The following DTNA variants were observed in gnomAD, a reference collection of about 807,000 sequenced individuals.
DTNA encodes dystrophin-related protein 3.
In DTNA, 43 loss-of-function variants were observed where a neutral mutation model predicts 100.7. The ratio of observed to expected loss-of-function variants is 0.43; its 90% CI spans 0.33 to 0.55. DTNA has a LOEUF of 0.55. DTNA is among the 20% of genes least tolerant of loss of function. The pLI, the probability that DTNA is intolerant of heterozygous loss-of-function variation, is 0.04. For missense variants in DTNA, 798 were observed against 953.9 expected, an observed-to-expected ratio of 0.84 and a Z score of 2.15; for synonymous variants, 349 against 347.9, an observed-to-expected ratio of 1.00 and a Z score of -0.04.
intron 1 of DTNA, among the ~76,000 whole-genome samples, chr18:34,533,860 C>T (rs1340777556): frequency 2.0e-5 from 3 of 152,032 alleles, no homozygotes; most frequent in Non-Finnish European, 2.9e-5. Flanking sequence ...TAAAAATAAA[C>T]AAGAGCTTTA....
intron 3 of DTNA, among the ~76,000 whole-genome samples, chr18:34,789,576 G>C (rs2094628646): frequency 6.6e-6 from 1 of 152,102 alleles, no homozygotes; most frequent in Non-Finnish European, 1.5e-5. Flanking sequence ...ATTCCCACCA[G>C]ACTGTTAGCT....
At chr18:34,841,667 G>T (rs1044575043) in intron 13 of DTNA, among the ~76,000 whole-genome samples, 3 of 152,106 alleles carry the variant, frequency 2.0e-5, no homozygotes, top group African/African-American at 7.2e-5. Flanking sequence ...TAAAAAATAT[G>T]AGCTTTGAGA....
intron 1 of DTNA, among the ~76,000 whole-genome samples, chr18:34,642,341 G>C (rs771515635): frequency 5.3e-5 from 8 of 152,136 alleles, no homozygotes; most frequent in Admixed American, 2.6e-4. Context: ...GGGATTATCT[G>C]GGCTTTAGAA....
At chr18:34,572,698 C>T (rs2047707200) in intron 1 of DTNA, among the ~76,000 whole-genome samples, 1 of 152,082 alleles carries the variant, frequency 6.6e-6, no homozygotes, top group African/African-American at 2.4e-5. Flanking sequence ...ATAGGCTCAC[C>T]AGTTCTACTA....
At chr18:34,701,338 A>G (rs1392512347) in intron 1 of DTNA, among the ~76,000 whole-genome samples, 1 of 151,882 alleles carries the variant, frequency 6.6e-6, no homozygotes, top group Non-Finnish European at 1.5e-5. Flanking sequence ...TTCTCATCTT[A>G]CTCAACTTCT....
intron 1 of DTNA, among the ~76,000 whole-genome samples, chr18:34,713,980 G>A (rs1038623114): frequency 1.3e-5 from 2 of 152,050 alleles, no homozygotes; most frequent in Non-Finnish European, 2.9e-5. Context: ...AAGCAATGGG[G>A]AAAGGATTCC....
At chr18:34,594,673 TA>T (rs2050229039) in intron 1 of DTNA, among the ~76,000 whole-genome samples, 1 of 152,214 alleles carries the variant, frequency 6.6e-6, no homozygotes, top group Admixed American at 6.5e-5. Flanking sequence ...GTCACTCTTC[TA>T]AAATGAAAAA....
At chr18:34,673,783 C>T (rs1441518184) in intron 1 of DTNA, among the ~76,000 whole-genome samples, 1 of 152,194 alleles carries the variant, frequency 6.6e-6, no homozygotes, top group Admixed American at 6.5e-5. Flanking sequence ...GTTCTCTCTG[C>T]TTTATCTTAC....
At chr18:34,645,522 G>A (rs966290771) in intron 1 of DTNA, among the ~76,000 whole-genome samples, 5 of 151,936 alleles carry the variant, frequency 3.3e-5, no homozygotes, top group African/African-American at 9.7e-5. Flanking sequence ...TAGATATCTC[G>A]ATTCATAGAA....
At chr18:34,652,476 G>A (rs182454883) in intron 1 of DTNA, among the ~76,000 whole-genome samples, 41 of 152,210 alleles carry the variant, frequency 2.7e-4, no homozygotes, top group African/African-American at 9.6e-4. Flanking sequence ...TGACTGGAAT[G>A]TTCTTCCTCA....
intron 2 of DTNA, among the ~76,000 whole-genome samples, chr18:34,761,927 A>G (rs1488835100): frequency 1.3e-5 from 2 of 152,228 alleles, no homozygotes; most frequent in African/African-American, 2.4e-5. Context: ...TTGAAAAATA[A>G]TGAAGAGTAC....
At chr18:34,515,293 G>A (rs971375855) in intron 1 of DTNA, among the ~76,000 whole-genome samples, 3 of 152,022 alleles carry the variant, frequency 2.0e-5, no homozygotes, top group African/African-American at 7.2e-5. Flanking sequence ...TGGACTGTTG[G>A]TCAGCTAATC....
chr18:34,533,200 G>A (rs1230071666), intron 1 of DTNA, among the ~76,000 whole-genome samples: 1 of 151,496 alleles, frequency 6.6e-6, no homozygotes, highest in African/African-American at 2.4e-5. Context: ...GTAAAACCCT[G>A]TCTCTACTAA....
chr18:34,775,801 C>T (rs1452655740), intron 3 of DTNA, among the ~76,000 whole-genome samples: 1 of 152,164 alleles, frequency 6.6e-6, no homozygotes, highest in Non-Finnish European at 1.5e-5. Flanking sequence ...CTTGTGATAC[C>T]CTGAGCAGGG....
chr18:34,501,394 A>G (rs187781406), intron 1 of DTNA, among the ~76,000 whole-genome samples: 9 of 152,192 alleles, frequency 5.9e-5, no homozygotes, highest in Non-Finnish European at 1.0e-4. Context: ...TTTTACATCT[A>G]TATTCATGAG....
chr18:34,494,194 G>A (rs1039487243), intron 1 of DTNA, among the ~76,000 whole-genome samples: 2 of 152,022 alleles, frequency 1.3e-5, no homozygotes, highest in Non-Finnish European at 2.9e-5. Context: ...GTGGGAGGTG[G>A]AGTGTCTACC....
chr18:34,524,427 T>G (rs1317405256), intron 1 of DTNA, among the ~76,000 whole-genome samples: 2 of 152,170 alleles, frequency 1.3e-5, no homozygotes, highest in East Asian at 3.9e-4. Flanking sequence ...GACATAAGGC[T>G]GATAATGAAA....
At chr18:34,869,796 C>T (rs1182853593) in intron 17 of DTNA, among the ~76,000 whole-genome samples, 2 of 152,154 alleles carry the variant, frequency 1.3e-5, no homozygotes, top group Admixed American at 1.3e-4. Context: ...CCGAGGCAGG[C>T]AGATCACAAG....
intron 17 of DTNA, among the ~76,000 whole-genome samples, chr18:34,874,635 T>TTTCTTC (rs146912046): frequency 3.3e-5 from 5 of 152,018 alleles, no homozygotes; most frequent in African/African-American, 4.8e-5. Context: ...GAAAACAAGG[T>TTTCTTC]TTCTTCTTCT....
Sources: gnomAD v4.1 joint callset for allele counts (sites outside exome capture counted in the v4.1 genomes callset) on GRCh38, gnomAD v4.1.1 for gene constraint, MANE v1.5 for transcripts, NCBI Gene and HGNC (gene_info 2026-07-23, HGNC 2026-07-21) for gene names.